PAX8: variants seen among roughly 807,000 people sequenced by gnomAD.
PAX8 encodes paired box 8.
PAX8 carries 15 observed loss-of-function variants against 52.4 expected under a neutral mutation model. The ratio of observed to expected loss-of-function variants is 0.29; its 90% confidence interval spans 0.19 to 0.44. The LOEUF is 0.44. PAX8 is among the 20% of genes least tolerant of loss of function. The pLI, the probability that PAX8 is intolerant of heterozygous loss-of-function variation, is 1.00. For missense variants in PAX8, 554 were observed against 602.5 expected (o/e 0.92, Z 0.84); for synonymous variants, 284 against 249.7 (o/e 1.14, Z -1.29).
intron 2 of PAX8, among the ~76,000 whole-genome samples, chr2:113,255,233 GAGGA>G (rs1558737177): frequency 1.9e-5 from 1 of 53,982 alleles, no homozygotes; most frequent in Non-Finnish European, 3.6e-5. Context: ...GGAGGGAGGG[GAGGA>G]GGGAGGGGAG....
intron 10 of PAX8, chr2:113,226,836 C>T (rs1365593820): frequency 7.8e-7 from 1 of 1,279,696 alleles, no homozygotes; most frequent in African/African-American, 1.5e-5. Context: ...TCCATTTATG[C>T]TCACTGATTC....
Position 113,242,006 on chromosome 2 carries a change from ACT to A in PAX8, c.601_601+1del. ...CCGCTGCCCTCCTGTCCCAGCACTCACTGTCATCCATTTTCCTCTTGTCGCTG... is the reference window on the plus strand; with the variant it reads ...CCGCTGCCCTCCTGTCCCAGCACTCAGTCATCCATTTTCCTCTTGTCGCTG... On this transcript the variant is annotated splice_donor_variant and coding_sequence_variant, in exon 6 of 12. Coordinates refer to ENST00000429538, the MANE Select transcript of PAX8 (RefSeq NM_003466.4). LOFTEE classifies it high-confidence loss of function. 6.2e-7 allele frequency: 1 copy of A among 1,613,456 alleles called. No individual in the cohort carries two copies. The highest frequency in any genetic ancestry group is 8.5e-7 in the Non-Finnish European group (1 of 1,179,722).
intron 2 of PAX8, among the ~76,000 whole-genome samples, chr2:113,250,113 A>G (rs1403403374): frequency 6.6e-6 from 1 of 152,036 alleles, no homozygotes; most frequent in Non-Finnish European, 1.5e-5. Context: ...TAAAAATACC[A>G]AAAATTAGCC....
At chr2:113,263,000 A>G (rs929541857) in intron 2 of PAX8, among the ~76,000 whole-genome samples, 21 of 152,368 alleles carry the variant, frequency 1.4e-4, no homozygotes, top group African/African-American at 4.8e-4. Context: ...TTTAGCCCTG[A>G]ATTTCACACA....
chr2:113,254,332 C>T (rs1472883798), intron 2 of PAX8, among the ~76,000 whole-genome samples: 1 of 152,104 alleles, frequency 6.6e-6, no homozygotes, highest in Non-Finnish European at 1.5e-5. Flanking sequence ...AAAGTAAATA[C>T]AGAAATAAAT....
At chr2:113,221,798 G>A (rs1368144526) in intron 10 of PAX8, among the ~76,000 whole-genome samples, 2 of 152,074 alleles carry the variant, frequency 1.3e-5, no homozygotes, top group Non-Finnish European at 2.9e-5. Context: ...AGATGAAGAG[G>A]AGCAGCCTAA....
chr2:113,244,020 CGAGT>C lies in PAX8; in HGVS notation c.389+403_389+406del, dbSNP rs537896452. On this transcript the variant is annotated intron_variant, in intron 4 of 11. Transcript: ENST00000429538. ...ATGTGTGAATGAATTAATGAACAAG[CGAGT>C]GAGTAAGTAAATGATTGATTGAGGC... Among the ~76,000 whole-genome samples, 1,013 of 152,216 alleles carry C rather than the reference CGAGT, an allele frequency of 6.7e-3. 17 individuals are homozygous for C. Among genetic ancestry groups the C allele is most frequent in the Middle Eastern group, 0.024 (7 of 294 alleles).
At chr2:113,225,912 C>T (rs1689539437) in intron 10 of PAX8, 1 of 967,832 alleles carries the variant, frequency 1.0e-6, no homozygotes, top group Non-Finnish European at 1.2e-6. Context: ...CCTTTTTTAT[C>T]TTGACCAATC....
chr2:113,276,398 G>A (rs190483988), intron 2 of PAX8: 1 of 152,196 alleles, frequency 6.6e-6, no homozygotes, highest in African/African-American at 2.4e-5. Context: ...ATTTGTTTTG[G>A]AAAGAGGGTA....
At chr2:113,250,194 A>C (rs1286573551) in intron 2 of PAX8, among the ~76,000 whole-genome samples, 2 of 150,982 alleles carry the variant, frequency 1.3e-5, no homozygotes, top group Non-Finnish European at 3.0e-5. Flanking sequence ...ATGAACCCGC[A>C]AGGCAGAGCT....
chr2:113,271,847 T>A (rs1446465225), intron 2 of PAX8: 1 of 151,592 alleles, frequency 6.6e-6, no homozygotes, highest in Non-Finnish European at 1.5e-5. Flanking sequence ...AATACCTGCC[T>A]GGCAGAGTTG....
intron 2 of PAX8, among the ~76,000 whole-genome samples, chr2:113,248,683 G>A (rs1385768720): frequency 6.6e-6 from 1 of 152,156 alleles, no homozygotes; most frequent in Non-Finnish European, 1.5e-5. Context: ...TGGGGGCCAG[G>A]TGCAGTGGCT....
At chr2:113,235,734 C>G in intron 8 of PAX8, 152 bp from the exon 9 acceptor site, 1 of 614,490 alleles carries the variant, frequency 1.6e-6, no homozygotes. Context: ...AGCCGGGGCC[C>G]ACGAGGCGTG....
intron 9 of PAX8, among the ~76,000 whole-genome samples, chr2:113,227,858 T>C (rs1689678677): frequency 6.6e-6 from 1 of 152,088 alleles, no homozygotes; most frequent in Admixed American, 6.6e-5. Flanking sequence ...TCTATCAGAG[T>C]TGCCAGGTAC....
In PAX8 at chr2:113,217,939, A is replaced by T; in HGVS notation, c.*594T>A. The T allele has an allele frequency of 4.3e-6, 1 of 233,326 alleles. No individual in the cohort carries two copies. The highest frequency in any genetic ancestry group is 8.5e-6 in the Non-Finnish European group (1 of 118,104). The allele number at this position is 233,326 out of a possible 1,614,324, so 14.5% of individuals were successfully genotyped here. ...AGGGACTCGCTCCAGCCCTCAGCCC[A>T]TGCCCAAGAGGGAGGTGTAGAAAGA... On this transcript the variant is annotated 3_prime_UTR_variant, in exon 12 of 12. Coordinates refer to ENST00000429538, the MANE Select transcript of PAX8 (RefSeq NM_003466.4).
chr2:113,216,631 C>T lies in PAX8; in HGVS notation c.*1902G>A. ...GTTGGCCTAAAGTGCTAAGTCTCTA[C>T]AGCCTCCCTCACCTTGTCCTGGCCA... is the stretch of plus-strand genomic sequence containing the variant. On this transcript the variant is annotated 3_prime_UTR_variant, in exon 12 of 12. Coordinates refer to ENST00000429538, the MANE Select transcript of PAX8 (RefSeq NM_003466.4). The T allele has an allele frequency of 4.4e-6, 1 of 227,114 alleles. No individual in the cohort carries two copies. 14.1% of individuals were successfully genotyped at this position (227,114 alleles called of 1,614,324 possible).
chr2:113,272,616 A>ATT (rs1228287019), intron 2 of PAX8: 1 of 152,176 alleles, frequency 6.6e-6, no homozygotes, highest in Non-Finnish European at 1.5e-5. Flanking sequence ...AGTTTTCAGG[A>ATT]GCCAAGAGAC....
At chr2:113,220,723 T>C (rs1689229141) in intron 10 of PAX8, among the ~76,000 whole-genome samples, 1 of 151,936 alleles carries the variant, frequency 6.6e-6, no homozygotes, top group South Asian at 2.1e-4. Context: ...TTTGTGTGCA[T>C]GGGGGGCTGA....
At chr2:113,278,152 G>T (rs757313996) in intron 2 of PAX8, among the ~76,000 whole-genome samples, 3 of 152,192 alleles carry the variant, frequency 2.0e-5, no homozygotes, top group African/African-American at 2.4e-5. Flanking sequence ...CCTCGAAACC[G>T]GGCAAGGGCG....
Sources: allele counts gnomAD v4.1 joint callset (sites outside exome capture counted in the v4.1 genomes callset), GRCh38; gene constraint gnomAD v4.1.1; transcripts MANE v1.5; gene names NCBI Gene and HGNC (gene_info 2026-07-23, HGNC 2026-07-21).